Variants in MICU3 observed in about 807,000 individuals in gnomAD.
MICU3 encodes the protein mitochondrial calcium uptake 3.
MICU3 carries 62 observed loss-of-function variants against 66.5 expected under a neutral mutation model. That is an observed-to-expected ratio of 0.93 (90% CI 0.76 to 1.15). The LOEUF (loss-of-function observed/expected upper bound fraction) is 1.15, where lower values mean the gene tolerates loss of function less well. MICU3 is among the 50% of genes most tolerant of loss of function. The probability of loss-of-function intolerance (pLI) is 0.00; values close to 1 mark genes in which losing one functional copy is unlikely to be tolerated. For synonymous variants in MICU3, 308 were observed against 240.7 expected (o/e 1.28, Z -2.59); for missense variants, 779 against 664.4 (o/e 1.17, Z -1.90).
chr8:17,056,350 A>T (rs1816929915), intron 1 of MICU3, among the ~76,000 whole-genome samples: 1 of 152,102 alleles, frequency 6.6e-6, no homozygotes, highest in Non-Finnish European at 1.5e-5. Context: ...TTGGTTAAGG[A>T]TTGTGCCAAA....
intron 9 of MICU3, among the ~76,000 whole-genome samples, chr8:17,099,654 G>A (rs536641987): frequency 1.3e-4 from 19 of 151,950 alleles, no homozygotes; most frequent in Non-Finnish European, 2.4e-4. Context: ...GATTAGGTAT[G>A]AAGTGGCAGA....
At chr8:17,051,280 G>A (rs1585235130) in intron 1 of MICU3, among the ~76,000 whole-genome samples, 1 of 152,112 alleles carries the variant, frequency 6.6e-6, no homozygotes, top group East Asian at 1.9e-4. Flanking sequence ...ATTATAGTAA[G>A]CTTTACACCC....
intron 13 of MICU3, 43 bp downstream of exon 13, chr8:17,116,643 T>C (rs1802705694): frequency 7.3e-7 from 1 of 1,375,120 alleles, no homozygotes. Flanking sequence ...CTTTTTAAAG[T>C]CTGAGGGAAA....
At chr8:17,037,425 C>A (rs754093063) in intron 1 of MICU3, among the ~76,000 whole-genome samples, 44 of 152,218 alleles carry the variant, frequency 2.9e-4, no homozygotes, top group Non-Finnish European at 5.1e-4. Flanking sequence ...CCCTGTGTCC[C>A]AGCCATGGCC....
At position 17,114,101 on chromosome 8, in the gene MICU3, A is replaced by C. The variant is rs6999470; in HGVS notation, c.1266A>C (p.Thr422=). 8.5e-4 allele frequency: 1,373 copies of C among 1,607,654 alleles called. 13 individuals carry two copies. In the African/African-American group the frequency reaches 0.015, roughly 18 times the overall value. ...TTCCTTTCCCAATATAGGGCATCAC[A>C]TTTGATGAATTCAGGTCATTTTTCC... ...RYSIPEEKGI[T]FDEFRSFFQF... The change falls in exon 12 of 15, where the codon ACA becomes ACC. Residue 422 remains threonine (T), a synonymous_variant. Transcript: ENST00000318063.
At chr8:17,089,519 T>A (rs1024555901) in intron 7 of MICU3, among the ~76,000 whole-genome samples, 4 of 152,100 alleles carry the variant, frequency 2.6e-5, no homozygotes, top group African/African-American at 9.7e-5. Context: ...ATTCTTAGAA[T>A]AGTTTGGCTG....
intron 1 of MICU3, among the ~76,000 whole-genome samples, chr8:17,053,852 C>G (rs1816487278): frequency 6.6e-6 from 1 of 152,138 alleles, no homozygotes; most frequent in East Asian, 1.9e-4. Context: ...GGGTGTCAGG[C>G]AATTCCCATA....
intron 1 of MICU3, among the ~76,000 whole-genome samples, chr8:17,038,271 G>T (rs1294137912): frequency 6.6e-6 from 1 of 152,150 alleles, no homozygotes; most frequent in Non-Finnish European, 1.5e-5. Context: ...GGGACCCGGT[G>T]GGAGATAATT....
At chr8:17,134,253 G>C in the MICU3 span, 1 of 152,308 alleles carries the variant, frequency 6.6e-6, no homozygotes, top group South Asian at 2.1e-4. Flanking sequence ...TGGCAAGCTG[G>C]AGACTCAGGT....
At chr8:17,124,723 G>T (rs1297200479), downstream of MICU3, among the ~76,000 whole-genome samples, 1 of 151,404 alleles carries the variant, frequency 6.6e-6, no homozygotes, top group East Asian at 1.9e-4. Context: ...CACCTTTATT[G>T]TACCCTCCTA....
intron 2 of MICU3, among the ~76,000 whole-genome samples, chr8:17,069,439 A>G (rs1819209720): frequency 6.6e-6 from 1 of 152,154 alleles, no homozygotes. Context: ...CCAAATTAAG[A>G]TGATACGGCT....
intron 7 of MICU3, among the ~76,000 whole-genome samples, chr8:17,089,052 T>C (rs1219427418): frequency 2.0e-5 from 3 of 151,968 alleles, no homozygotes; most frequent in Non-Finnish European, 2.9e-5. Context: ...AAGAACAGAT[T>C]AAAATAACTT....
intron 13 of MICU3, among the ~76,000 whole-genome samples, chr8:17,116,830 T>G (rs1422892008): frequency 6.6e-6 from 1 of 152,174 alleles, no homozygotes; most frequent in Non-Finnish European, 1.5e-5. Flanking sequence ...TAATTTATTT[T>G]CATAGTCAGT....
chr8:17,130,094 C>T, the MICU3 span, among the ~76,000 whole-genome samples: 6 of 152,252 alleles, frequency 3.9e-5, no homozygotes, highest in East Asian at 1.2e-3. Flanking sequence ...GACCTGCACA[C>T]TGGAAGAGTT....
rs774414897 is a variant in MICU3 at position 17,085,285 on chromosome 8, C to T, written c.744C>T (p.Gly248=). The T allele has an allele frequency of 1.2e-6, 2 of 1,610,014 alleles. No homozygotes were observed. Among genetic ancestry groups the T allele is most frequent in the Non-Finnish European group, 1.7e-6 (2 of 1,177,516 alleles). The stretch of plus-strand genomic sequence containing the variant: ...CTTTCAACATGTTTGACACTGATGG[C>T]AATGAGATGGTGGATAAAAAAGAGT... ...RIAFNMFDTD[G]NEMVDKKEFL... Residue 248 remains glycine (G), a synonymous_variant, in exon 6 of 15, where the codon GGC becomes GGT. Transcript: ENST00000318063.
intron 1 of MICU3, among the ~76,000 whole-genome samples, chr8:17,063,593 T>C (rs1818205593): frequency 6.6e-6 from 1 of 152,150 alleles, no homozygotes; most frequent in Non-Finnish European, 1.5e-5. Flanking sequence ...ACTTCTAATC[T>C]AAATATTACC....
intron 7 of MICU3, among the ~76,000 whole-genome samples, chr8:17,089,844 G>GA (rs1476139327): frequency 6.6e-6 from 1 of 152,046 alleles, no homozygotes; most frequent in Non-Finnish European, 1.5e-5. Context: ...TTAGTTAGTA[G>GA]AACCATGTAG....
chr8:17,096,909 A>T (rs186810045), intron 8 of MICU3, among the ~76,000 whole-genome samples: 9 of 151,636 alleles, frequency 5.9e-5, no homozygotes, highest in Middle Eastern at 6.8e-3. Context: ...CACAAAATAC[A>T]TGGTTGGTTA....
Position 17,105,278 on chromosome 8 carries a change from G to C in MICU3, c.1086-135G>C. 8 of 563,630 alleles carry C rather than the reference G, an allele frequency of 1.4e-5. No individual in the cohort carries two copies. In the South Asian group the frequency reaches 2.1e-4, roughly 14 times the overall value. The allele number at this position is 563,630 out of a possible 1,614,324, so 34.9% of individuals were successfully genotyped here. On this transcript the variant is annotated intron_variant, in intron 10 of 14. Coordinates refer to ENST00000318063, the MANE Select transcript of MICU3 (RefSeq NM_181723.3). The stretch of plus-strand genomic sequence containing the variant: ...TTCTTTTCATTCTCATTTACAGGGA[G>C]GAACTTTATTAATCTTTGCATCATC...
Sources: gnomAD v4.1 joint callset for allele counts (sites outside exome capture counted in the v4.1 genomes callset) on GRCh38, gnomAD v4.1.1 for gene constraint, MANE v1.5 for transcripts, NCBI Gene and HGNC (gene_info 2026-07-23, HGNC 2026-07-21) for gene names.